KCNIP3: variants seen among roughly 807,000 people sequenced by gnomAD.
KCNIP3 encodes potassium voltage-gated channel interacting protein 3.
A neutral mutation model predicts 35.0 loss-of-function variants in KCNIP3; 28 were observed. That is an observed-to-expected ratio of 0.80 (90% CI 0.59 to 1.10). KCNIP3 has a LOEUF of 1.10. Ranked by LOEUF, KCNIP3 falls within the 50% of genes least tolerant of loss-of-function variation. The pLI is 0.00. For synonymous variants in KCNIP3, 134 were observed against 133.8 expected, an observed-to-expected ratio of 1.00 and a Z score of -0.01; for missense variants, 295 against 338.4, an observed-to-expected ratio of 0.87 and a Z score of 1.01.
chr2:95,385,205 G>A lies in KCNIP3; in HGVS notation c.*1156G>A, dbSNP rs1251287443. On this transcript the variant is annotated 3_prime_UTR_variant, in exon 9 of 9. Transcript: ENST00000295225. ...GGCCCTCCTGCTGGCTGAGGCTTGG[G>A]CCCAGTAGCCCCAATATGGTGGCCC... 1 of 152,874 alleles carries A rather than the reference G, an allele frequency of 6.5e-6. No individual in the cohort carries two copies. The highest frequency in any genetic ancestry group is 1.5e-5 in the Non-Finnish European group (1 of 68,290). 9.5% of individuals were successfully genotyped at this position (152,874 alleles called of 1,614,324 possible). A position where few individuals can be genotyped will look rare whatever the true frequency, so the allele number is the denominator to read the frequency against.
intron 2 of KCNIP3, among the ~76,000 whole-genome samples, chr2:95,358,865 C>T (rs938266420): frequency 2.0e-5 from 3 of 147,828 alleles, no homozygotes; most frequent in Non-Finnish European, 4.5e-5. Flanking sequence ...AAGCATGATG[C>T]TGTGCACCTG....
Position 95,346,650 on chromosome 2 carries a change from G to C in KCNIP3, c.182-27646G>C, listed in dbSNP as rs567075221. 513 of 145,812 alleles carry C rather than the reference G, an allele frequency of 3.5e-3. 7 individuals carry two copies. Among genetic ancestry groups the C allele is most frequent in the Middle Eastern group, 0.028 (8 of 284 alleles). The allele number at this position is 145,812 out of a possible 1,614,324, so 9.0% of individuals were successfully genotyped here. A position where few individuals can be genotyped will look rare whatever the true frequency, so the allele number is the denominator to read the frequency against. ...CCCCGGCGCCCGCGGGGCTGGAGAGGGGGCGACAGAGGCGCAGCGCCCGCG... is the reference window on the plus strand; with the variant it reads ...CCCCGGCGCCCGCGGGGCTGGAGAGCGGGCGACAGAGGCGCAGCGCCCGCG... On this transcript the variant is annotated intron_variant, in intron 2 of 8. Coordinates refer to ENST00000295225, the MANE Select transcript of KCNIP3 (RefSeq NM_013434.5).
At chr2:95,322,122 T>G (rs1245750909) in intron 2 of KCNIP3, among the ~76,000 whole-genome samples, 1 of 152,088 alleles carries the variant, frequency 6.6e-6, no homozygotes, top group Non-Finnish European at 1.5e-5. Context: ...CCCAGCACTT[T>G]GGGAGGTCGA....
At chr2:95,343,035 G>A (rs189466230) in intron 2 of KCNIP3, among the ~76,000 whole-genome samples, 1 of 152,228 alleles carries the variant, frequency 6.6e-6, no homozygotes, top group Admixed American at 6.5e-5. Context: ...GAGGTAGGAG[G>A]AGAACCACAG....
At chr2:95,348,945 G>C (rs773841830) in intron 2 of KCNIP3, among the ~76,000 whole-genome samples, 38 of 152,324 alleles carry the variant, frequency 2.5e-4, no homozygotes, top group Admixed American at 1.4e-3. Context: ...TGGCAGGCTT[G>C]AACCAGTCAG....
rs1455037852 is a variant in KCNIP3, at chr2:95,375,177, A to G, written c.416A>G (p.Asp139Gly). 3 of 1,614,114 alleles carry G rather than the reference A, an allele frequency of 1.9e-6. No homozygotes were observed. In the East Asian group the frequency reaches 6.7e-5, roughly 36 times the overall value. ...TYAHFLFNAF[D>G]ADGNGAIHFE... Reference sequence around the variant, plus strand: ...GCACACTTCCTCTTCAACGCCTTTGATGCGGACGGGAACGGGGCCATCCAC... The same window carrying G: ...GCACACTTCCTCTTCAACGCCTTTGGTGCGGACGGGAACGGGGCCATCCAC... The change falls in exon 5 of 9, where the codon GAT (aspartate) becomes GGT (glycine). Residue 139 changes from aspartate to glycine, a missense_variant. Asp to Gly is a moderately conservative substitution (Grantham distance 94). Coordinates refer to ENST00000295225, the MANE Select transcript of KCNIP3 (RefSeq NM_013434.5).
Position 95,337,442 on chromosome 2 carries a change from G to A in KCNIP3, c.181+26922G>A, listed in dbSNP as rs1342282793. Among the ~76,000 whole-genome samples, 4 of 152,032 alleles carry A rather than the reference G, an allele frequency of 2.6e-5. No homozygotes were observed. The South Asian group carries it at 8.3e-4, about 32-fold the overall frequency. ...CGGGGGAGGGAATGATGTTTGTATG[G>A]TTAAAAATACAAATTTATTCAAACT... is the stretch of plus-strand genomic sequence containing the variant. On this transcript the variant is annotated intron_variant, in intron 2 of 8. Transcript: ENST00000295225.
intron 2 of KCNIP3, among the ~76,000 whole-genome samples, chr2:95,325,753 A>T (rs1395246783): frequency 6.6e-6 from 1 of 151,646 alleles, no homozygotes; most frequent in Non-Finnish European, 1.5e-5. Flanking sequence ...ACACGCACTC[A>T]TACACACATA....
At chr2:95,366,251 T>A (rs1679915369) in intron 2 of KCNIP3, among the ~76,000 whole-genome samples, 1 of 152,192 alleles carries the variant, frequency 6.6e-6, no homozygotes, top group African/African-American at 2.4e-5. Context: ...CCCTGTAATT[T>A]TCTGTCCTTT....
chr2:95,334,792 A>G (rs1679016694), intron 2 of KCNIP3, among the ~76,000 whole-genome samples: 1 of 152,212 alleles, frequency 6.6e-6, no homozygotes, highest in Admixed American at 6.5e-5. Flanking sequence ...GCTGGCCTCA[A>G]ACGTTCCCCT....
chr2:95,320,547 C>T (rs1445920307), intron 2 of KCNIP3, among the ~76,000 whole-genome samples: 1 of 152,042 alleles, frequency 6.6e-6, no homozygotes, highest in Non-Finnish European at 1.5e-5. Flanking sequence ...TGCCCCTCTC[C>T]CGTGGTCTTT....
At chr2:95,307,016 C>G (rs1428459911) in intron 1 of KCNIP3, among the ~76,000 whole-genome samples, 5 of 152,228 alleles carry the variant, frequency 3.3e-5, no homozygotes, top group Non-Finnish European at 5.9e-5. Flanking sequence ...GCTTCCCAGG[C>G]TCGGCTGCTG....
chr2:95,314,161 G>T (rs1224106566), intron 2 of KCNIP3, among the ~76,000 whole-genome samples: 1 of 152,124 alleles, frequency 6.6e-6, no homozygotes, highest in Non-Finnish European at 1.5e-5. Context: ...CTGGGAAAGA[G>T]GGGTAGCAGA....
At chr2:95,308,683 C>T (rs968136239) in intron 1 of KCNIP3, among the ~76,000 whole-genome samples, 2 of 152,126 alleles carry the variant, frequency 1.3e-5, no homozygotes, top group African/African-American at 2.4e-5. Flanking sequence ...GGCTGGTGTC[C>T]GGCGCTGCTC....
At chr2:95,338,714 G>A (rs1249595913) in intron 2 of KCNIP3, among the ~76,000 whole-genome samples, 3 of 152,354 alleles carry the variant, frequency 2.0e-5, no homozygotes, top group African/African-American at 4.8e-5. Context: ...TCGAGCGGAA[G>A]AAGGAGAGAG....
chr2:95,299,328 A>G (rs984516939), intron 1 of KCNIP3, among the ~76,000 whole-genome samples: 4 of 152,148 alleles, frequency 2.6e-5, no homozygotes, highest in South Asian at 2.1e-4. Flanking sequence ...ATCAAGATCA[A>G]TGGGAGATTG....
chr2:95,343,533 C>G (rs1452035091), intron 2 of KCNIP3, among the ~76,000 whole-genome samples: 1 of 152,118 alleles, frequency 6.6e-6, no homozygotes, highest in African/African-American at 2.4e-5. Context: ...GCATCCAGCC[C>G]AGACCCGCCC....
chr2:95,310,194 G>A, intron 1 of KCNIP3, 161 bp from the exon 2 acceptor site: 1 of 813,926 alleles, frequency 1.2e-6, no homozygotes, highest in Non-Finnish European at 2.1e-6. Flanking sequence ...AGGTCTGGCA[G>A]GAATGGCCAG....
intron 2 of KCNIP3, among the ~76,000 whole-genome samples, chr2:95,367,722 ATCCAT>A (rs1472641608): frequency 6.6e-6 from 1 of 151,074 alleles, no homozygotes; most frequent in Non-Finnish European, 1.5e-5. Context: ...AAATTACAAA[ATCCAT>A]TCACTTCTTT....
Sources: allele counts gnomAD v4.1 joint callset (sites outside exome capture counted in the v4.1 genomes callset), GRCh38; gene constraint gnomAD v4.1.1; transcripts MANE v1.5; gene names NCBI Gene and HGNC (gene_info 2026-07-23, HGNC 2026-07-21).